STAT1: variants seen among roughly 807,000 people sequenced by gnomAD.
STAT1 encodes signal transducer and activator of transcription 1-alpha/beta.
A neutral mutation model predicts 111.7 loss-of-function variants in STAT1; 24 were observed. The ratio of observed to expected loss-of-function variants is 0.21; its 90% CI spans 0.16 to 0.30. The LOEUF (loss-of-function observed/expected upper bound fraction) is 0.30, where lower values mean the gene tolerates loss of function less well. Among genes scored for constraint, STAT1 ranks in the 10% least tolerant of loss-of-function variants. The pLI, the probability that STAT1 is intolerant of heterozygous loss-of-function variation, is 1.00. For synonymous variants in STAT1, 332 were observed against 326.5 expected, an observed-to-expected ratio of 1.02 and a Z score of -0.18; for missense variants, 351 against 911.9, an observed-to-expected ratio of 0.38 and a Z score of 7.92.
In STAT1 at chr2:190,999,549, G is replaced by A. The variant is rs764354602; in HGVS notation, c.541+77C>T. 1 of 968,988 alleles carries A rather than the reference G, an allele frequency of 1.0e-6. No homozygotes were observed. Among genetic ancestry groups the A allele is most frequent in the Non-Finnish European group, 1.7e-6 (1 of 595,874 alleles). The allele number at this position is 968,988 out of a possible 1,614,324, so 60.0% of individuals were successfully genotyped here. ...CATAAAATACTCGGCAAATAGAAAG[G>A]AGTAATCATCTTCGTTATCTAGTGT... On this transcript the variant is annotated intron_variant, in intron 7 of 24. Transcript: ENST00000361099. The surrounding 1 kb of genome is among the most constrained non-coding windows in gnomAD (Gnocchi z 4.1).
In STAT1 at chr2:190,970,582, G is replaced by T; in HGVS notation, c.*121C>A. ...TCACTTGCTATCAACAGGTTGCAGC[G>T]AATTTGCTGGCCTTTCTTTCATTTC... On this transcript the variant is annotated 3_prime_UTR_variant, in exon 25 of 25. Transcript: ENST00000361099. The surrounding 1 kb of genome is among the most constrained non-coding windows in gnomAD (Gnocchi z 5.4). 2 of 1,154,208 alleles carry T rather than the reference G, an allele frequency of 1.7e-6. No homozygotes were observed. Among genetic ancestry groups the T allele is most frequent in the African/African-American group, 1.5e-5 (1 of 65,546 alleles). 71.5% of individuals were successfully genotyped at this position (1,154,208 alleles called of 1,614,324 possible).
At chr2:190,985,822 G>A (rs1418695229) in intron 14 of STAT1, among the ~76,000 whole-genome samples, 162 bp from the exon 15 acceptor site, 1 of 152,230 alleles carries the variant, frequency 6.6e-6, no homozygotes, top group African/African-American at 2.4e-5. Flanking sequence ...CAGGGTCCAT[G>A]AGCAGAAGCA....
rs187855626 is a variant in STAT1 at position 191,007,420 on chromosome 2, C to G, written c.372+143G>C. ...TTCTTAAAGCCTGGTTCTATAAAAT[C>G]TCTAAATCTGATTCTCCCACTTCTT... On this transcript the variant is annotated intron_variant, in intron 5 of 24. Coordinates refer to ENST00000361099, the MANE Select transcript of STAT1 (RefSeq NM_007315.4). The surrounding 1 kb of genome is among the most constrained non-coding windows in gnomAD (Gnocchi z 4.2). 7.0e-5 allele frequency: 47 copies of G among 671,944 alleles called. No individual in the cohort carries two copies. Among genetic ancestry groups the G allele is most frequent in the African/African-American group, 6.4e-4 (35 of 55,058 alleles). The allele number at this position is 671,944 out of a possible 1,614,324, so 41.6% of individuals were successfully genotyped here. A position where few individuals can be genotyped will look rare whatever the true frequency, so the allele number is the denominator to read the frequency against.
rs889494151 is a variant in STAT1 at position 190,971,340 on chromosome 2, G to A, written c.2239-623C>T. 6.6e-6 allele frequency among the ~76,000 whole-genome samples: 1 copy of A among 152,180 alleles called. No individual in the cohort carries two copies. The highest frequency in any genetic ancestry group is 2.4e-5 in the African/African-American group (1 of 41,430). On this transcript the variant is annotated intron_variant, in intron 24 of 24. Coordinates refer to ENST00000361099, the MANE Select transcript of STAT1 (RefSeq NM_007315.4). This position sits in a 1 kb window ranked among gnomAD's most constrained non-coding sequence, Gnocchi z 4.1. ...CTTAGACCAGATGCTTTCAATCGAG[G>A]ATGATTCTGTCCCCTGGCAATGGCT...
intron 5 of STAT1, among the ~76,000 whole-genome samples, chr2:191,005,594 G>A (rs10183196): frequency 0.26 from 40,012 of 152,076 alleles, 6,905 homozygotes; most frequent in African/African-American, 0.46. Flanking sequence ...GTAGGTGTAT[G>A]GTAGGTTATA....
At position 190,981,425 on chromosome 2, in the gene STAT1, A is replaced by C. The variant is rs1444164776; in HGVS notation, c.1583-756T>G. Among the ~76,000 whole-genome samples the C allele has an allele frequency of 1.3e-5, 2 of 152,276 alleles. No individual in the cohort carries two copies. Among genetic ancestry groups the C allele is most frequent in the Non-Finnish European group, 2.9e-5 (2 of 68,056 alleles). On this transcript the variant is annotated intron_variant, in intron 18 of 24. Transcript: ENST00000361099. The surrounding 1 kb of genome is among the most constrained non-coding windows in gnomAD (Gnocchi z 4.1). ...CGAGAGGAAGAAGCCCGGGGTTATT[A>C]GCTACACAAATTAAAGCAGCCTGGG... is the stretch of plus-strand genomic sequence containing the variant.
chr2:190,970,747 A>AT lies in STAT1; in HGVS notation c.2239-31dup. ...AAAAAGACAAAATGTGGTTAAGTTTATTACACTGATCTTGTGAAATGCAGA... is the reference window on the plus strand; with the variant it reads ...AAAAAGACAAAATGTGGTTAAGTTTATTTACACTGATCTTGTGAAATGCAGA... On this transcript the variant is annotated intron_variant, in intron 24 of 24. Coordinates refer to ENST00000361099, the MANE Select transcript of STAT1 (RefSeq NM_007315.4). This position sits in a 1 kb window ranked among gnomAD's most constrained non-coding sequence, Gnocchi z 5.4. The AT allele has an allele frequency of 6.2e-7, 1 of 1,605,184 alleles. No homozygotes were observed. The highest frequency in any genetic ancestry group is 8.5e-7 in the Non-Finnish European group (1 of 1,172,404).
Position 190,982,811 on chromosome 2 carries a change from G to A in STAT1, c.1447-293C>T, listed in dbSNP as rs772296299. Among the ~76,000 whole-genome samples the A allele has an allele frequency of 1.3e-5, 2 of 152,154 alleles. No individual in the cohort carries two copies. The highest frequency in any genetic ancestry group is 2.4e-5 in the African/African-American group (1 of 41,430). On this transcript the variant is annotated intron_variant, in intron 17 of 24. Transcript: ENST00000361099. This position sits in a 1 kb window ranked among gnomAD's most constrained non-coding sequence, Gnocchi z 7.3. ...AGCAGCACACAGCAGCAAAGAATTC[G>A]AGTCTCTTAACACGCTTCCAACTGA...
intron 10 of STAT1, 42 bp from the exon 11 acceptor site, chr2:190,991,362 T>A: frequency 6.3e-7 from 1 of 1,592,086 alleles, no homozygotes; most frequent in Non-Finnish European, 8.6e-7. Context: ...AGCATTTCCA[T>A]TAAGGTTGAG....
Position 190,971,704 on chromosome 2 carries a change from T to TTCTTTC in STAT1, c.2239-988_2239-987insGAAAGA, listed in dbSNP as rs10635466. On this transcript the variant is annotated intron_variant, in intron 24 of 24. Coordinates refer to ENST00000361099, the MANE Select transcript of STAT1 (RefSeq NM_007315.4). The surrounding 1 kb of genome is among the most constrained non-coding windows in gnomAD (Gnocchi z 4.1). ...AGTCTAGCTTATGTTTCTCTTTTCT[T>TTCTTTC]TTTCTTTCTTTTTTTTTTTCAAATT... 3.4e-5 allele frequency among the ~76,000 whole-genome samples: 5 copies of TTCTTTC among 146,708 alleles called. No homozygotes were observed. Among genetic ancestry groups the TTCTTTC allele is most frequent in the Admixed American group, 6.7e-5 (1 of 14,872 alleles).
intron 3 of STAT1, among the ~76,000 whole-genome samples, chr2:191,009,603 T>C (rs1047859950): frequency 4.6e-5 from 7 of 152,222 alleles, no homozygotes; most frequent in Non-Finnish European, 1.0e-4. Flanking sequence ...CAGTATTCCG[T>C]AACTTGTCCA....
chr2:190,987,021 G>T lies in STAT1; in HGVS notation c.1127+18C>A. On this transcript the variant is annotated intron_variant, in intron 13 of 24. Transcript: ENST00000361099. The surrounding 1 kb of genome is among the most constrained non-coding windows in gnomAD (Gnocchi z 4.0). Reference sequence around the variant, plus strand: ...AAATAAAAATATAGCACAGTATAGCGTAAAGTACGTCACGTACCCTTTTAC... The same window carrying T: ...AAATAAAAATATAGCACAGTATAGCTTAAAGTACGTCACGTACCCTTTTAC... 6.2e-7 allele frequency: 1 copy of T among 1,611,076 alleles called. No individual in the cohort carries two copies. The highest frequency in any genetic ancestry group is 8.5e-7 in the Non-Finnish European group (1 of 1,177,462).
chr2:191,002,337 G>T (rs1259222259), intron 5 of STAT1, among the ~76,000 whole-genome samples: 1 of 152,080 alleles, frequency 6.6e-6, no homozygotes, highest in Non-Finnish European at 1.5e-5. Flanking sequence ...ATGCACACGG[G>T]TTTCCTTCTA....
rs188637198 is a variant in STAT1 at position 191,003,579 on chromosome 2, G to A, written c.373-2416C>T. ...GTTAAGTGTGGAGCACCTCTCCCCTGCTTCCTCCTGCTCTGGCCATGTGAT... is the reference window on the plus strand; with the variant it reads ...GTTAAGTGTGGAGCACCTCTCCCCTACTTCCTCCTGCTCTGGCCATGTGAT... On this transcript the variant is annotated intron_variant, in intron 5 of 24. Transcript: ENST00000361099. The surrounding 1 kb of genome is among the most constrained non-coding windows in gnomAD (Gnocchi z 4.0). Among the ~76,000 whole-genome samples, 1 of 152,298 alleles carries A rather than the reference G, an allele frequency of 6.6e-6. No homozygotes were observed. Among genetic ancestry groups the A allele is most frequent in the Non-Finnish European group, 1.5e-5 (1 of 68,028 alleles).
intron 5 of STAT1, among the ~76,000 whole-genome samples, chr2:191,005,296 T>C (rs937533767): frequency 1.3e-5 from 2 of 152,174 alleles, no homozygotes; most frequent in African/African-American, 4.8e-5. Flanking sequence ...ATACCAGACA[T>C]CACACCATTC....
chr2:191,005,707 T>G (rs1422570125), intron 5 of STAT1, among the ~76,000 whole-genome samples: 3 of 152,188 alleles, frequency 2.0e-5, no homozygotes, highest in Admixed American at 2.0e-4. Context: ...GTGATGCATG[T>G]CTGTATTAAT....
At position 190,982,653 on chromosome 2, in the gene STAT1, G is replaced by T; in HGVS notation, c.1447-135C>A. 1.1e-6 allele frequency: 1 copy of T among 921,838 alleles called. No homozygotes were observed. The highest frequency in any genetic ancestry group is 1.7e-6 in the Non-Finnish European group (1 of 583,102). The allele number at this position is 921,838 out of a possible 1,614,324, so 57.1% of individuals were successfully genotyped here. ...CAGGTGCTTTCACAGTAGGGGAAGAGAAATACAGTCAATTTTCATTATTTA... is the reference window on the plus strand; with the variant it reads ...CAGGTGCTTTCACAGTAGGGGAAGATAAATACAGTCAATTTTCATTATTTA... On this transcript the variant is annotated intron_variant, in intron 17 of 24. Coordinates refer to ENST00000361099, the MANE Select transcript of STAT1 (RefSeq NM_007315.4). The surrounding 1 kb of genome is among the most constrained non-coding windows in gnomAD (Gnocchi z 7.3).
At chr2:190,994,395 AAGGACTGGGAAGG>A (rs1016499638) in intron 10 of STAT1, among the ~76,000 whole-genome samples, 56 of 151,926 alleles carry the variant, frequency 3.7e-4, no homozygotes, top group African/African-American at 1.3e-3. Context: ...CACAGGGAGG[AAGGACTGGGAAGG>A]AGGACTGGTG....
At chr2:191,011,179 T>G (rs1002069522) in intron 2 of STAT1, among the ~76,000 whole-genome samples, 11 of 152,198 alleles carry the variant, frequency 7.2e-5, no homozygotes, top group African/African-American at 2.7e-4. Context: ...GTTATCCTCA[T>G]ATATACCAGT....
Sources: gnomAD v4.1 joint callset for allele counts (sites outside exome capture counted in the v4.1 genomes callset) on GRCh38, gnomAD v4.1.1 for gene constraint, Gnocchi (gnomAD v3.1) non-coding constraint, MANE v1.5 for transcripts, NCBI Gene and HGNC (gene_info 2026-07-23, HGNC 2026-07-21) for gene names.